TSGA10: variants seen among roughly 807,000 people sequenced by gnomAD.
The protein encoded by TSGA10 is testis specific 10, also known as testis-specific gene 10 protein.
A neutral mutation model predicts 96.6 loss-of-function variants in TSGA10; 43 were observed. The ratio of observed to expected loss-of-function variants is 0.44; its 90% confidence interval spans 0.35 to 0.57. TSGA10 has a LOEUF of 0.57. Ranked by LOEUF, TSGA10 falls within the 20% of genes least tolerant of loss-of-function variation. TSGA10 has a pLI of 0.01. For missense variants in TSGA10, 703 were observed against 834.4 expected (o/e 0.84, Z 1.94); for synonymous variants, 229 against 269.9 (o/e 0.85, Z 1.48).
intron 16 of TSGA10, among the ~76,000 whole-genome samples, chr2:99,057,155 C>G (rs2084101497): frequency 6.6e-6 from 1 of 152,104 alleles, no homozygotes; most frequent in African/African-American, 2.4e-5. Flanking sequence ...CCCCTAAAAT[C>G]AGGAACAAGA....
intron 1 of TSGA10, chr2:99,147,336 C>CTT: frequency 1.1e-6 from 1 of 903,306 alleles, no homozygotes; most frequent in Non-Finnish European, 1.8e-6. Context: ...AAGAAAGCCA[C>CTT]TTTGTTCTTT....
intron 17 of TSGA10, among the ~76,000 whole-genome samples, chr2:99,033,212 C>T (rs111739022): frequency 7.2e-5 from 11 of 152,286 alleles, no homozygotes; most frequent in Admixed American, 5.2e-4. Context: ...CTGAACTTAA[C>T]AACGTTTTGC....
At chr2:99,095,559 T>TA (rs2089944122) in intron 10 of TSGA10, among the ~76,000 whole-genome samples, 1 of 152,158 alleles carries the variant, frequency 6.6e-6, no homozygotes, top group African/African-American at 2.4e-5. Flanking sequence ...GTATATACTT[T>TA]AGTGAGATTT....
At chr2:99,102,795 T>C (rs2090923739) in intron 10 of TSGA10, 1 of 1,456,208 alleles carries the variant, frequency 6.9e-7, no homozygotes. Flanking sequence ...TGTATAGTAA[T>C]ATGATTCTCA....
chr2:98,998,782 G>A (rs1227348788), intron 20 of TSGA10, among the ~76,000 whole-genome samples: 2 of 152,186 alleles, frequency 1.3e-5, no homozygotes, highest in African/African-American at 4.8e-5. Context: ...CTGTGCTAAT[G>A]TCAATATCCC....
intron 10 of TSGA10, among the ~76,000 whole-genome samples, chr2:99,098,331 T>C (rs1574320351): frequency 1.4e-5 from 2 of 148,120 alleles, no homozygotes; most frequent in African/African-American, 5.0e-5. Flanking sequence ...CCCAGTTACT[T>C]GGGAGGCTGA....
intron 20 of TSGA10, among the ~76,000 whole-genome samples, chr2:99,015,906 A>C (rs1394968297): frequency 6.6e-6 from 1 of 152,086 alleles, no homozygotes; most frequent in African/African-American, 2.4e-5. Flanking sequence ...GCAGCAAAAA[A>C]CAAACAAACA....
At chr2:99,022,352 A>AC (rs2080123419) in intron 17 of TSGA10, among the ~76,000 whole-genome samples, 2 of 143,652 alleles carry the variant, frequency 1.4e-5, no homozygotes, top group South Asian at 2.2e-4. Flanking sequence ...AAAAAAAAAA[A>AC]CACCCAACAC....
intron 17 of TSGA10, among the ~76,000 whole-genome samples, chr2:99,029,769 A>T (rs2080969475): frequency 6.6e-6 from 1 of 152,210 alleles, no homozygotes; most frequent in African/African-American, 2.4e-5. Context: ...AACAACTGCA[A>T]AATACTACAG....
intron 15 of TSGA10, among the ~76,000 whole-genome samples, chr2:99,066,409 A>G (rs547403996): frequency 6.6e-6 from 1 of 152,278 alleles, no homozygotes; most frequent in Non-Finnish European, 1.5e-5. Context: ...TTGTATTCAC[A>G]TTGATCTTTA....
At chr2:99,033,775 G>A (rs2081353985) in intron 17 of TSGA10, among the ~76,000 whole-genome samples, 1 of 152,124 alleles carries the variant, frequency 6.6e-6, no homozygotes, top group African/African-American at 2.4e-5. Flanking sequence ...GGGAGGCGGA[G>A]GCTGCAGTGA....
At position 99,073,048 on chromosome 2, in the gene TSGA10, T is replaced by C. The variant is rs35465451; in HGVS notation, c.908A>G (p.Asn303Ser). 2.2e-4 allele frequency: 359 copies of C among 1,607,794 alleles called. No homozygotes were observed. Among genetic ancestry groups the C allele is most frequent in the Admixed American group, 7.0e-4 (42 of 59,884 alleles). Residue 303 changes from asparagine (N) to serine (S), a missense_variant, in exon 13 of 21, where the codon AAT (asparagine) becomes AGT (serine). Asn to Ser is a conservative substitution (Grantham distance 46). Coordinates refer to ENST00000393483, the MANE Select transcript of TSGA10 (RefSeq NM_025244.4). ...MKEKTISGMK[N>S]IIAEMEQASR... is the part of the protein sequence containing the mutation. ...TGCCTGTTCCATCTCAGCAATGATA[T>C]TCTTCATGCCTGAAATGGTCTTTTC...
At chr2:99,116,351 TACTC>T (rs1230627806) in intron 4 of TSGA10, among the ~76,000 whole-genome samples, 1 of 116,464 alleles carries the variant, frequency 8.6e-6, no homozygotes, top group Admixed American at 9.3e-5. Flanking sequence ...CATGGCAAAG[TACTC>T]AATCAAGAAA....
In TSGA10 at chr2:99,032,435, A is replaced by G. The variant is rs545007511; in HGVS notation, c.1614+2795T>C. Among the ~76,000 whole-genome samples the G allele has an allele frequency of 5.9e-5, 9 of 152,372 alleles. 1 individual carries two copies. Among genetic ancestry groups the G allele is most frequent in the Admixed American group, 5.2e-4 (8 of 15,308 alleles). ...GCAACAGGTAGATTCACATTCTCCA[A>G]GTCTACTTTGTATAATATGTAGTGA... On this transcript the variant is annotated intron_variant, in intron 17 of 20. Transcript: ENST00000393483.
intron 10 of TSGA10, chr2:99,102,176 T>C (rs575744233): frequency 6.4e-7 from 1 of 1,553,474 alleles, no homozygotes; most frequent in Non-Finnish European, 8.9e-7. Flanking sequence ...TTCGGAAATA[T>C]GAAGCTATTC....
At chr2:99,076,494 T>G (rs960719877) in intron 12 of TSGA10, among the ~76,000 whole-genome samples, 16 of 152,202 alleles carry the variant, frequency 1.1e-4, no homozygotes, top group Non-Finnish European at 2.1e-4. Context: ...TGTACTTTTA[T>G]GATTTTTTTG....
At chr2:99,045,378 A>C (rs1285661156) in intron 16 of TSGA10, among the ~76,000 whole-genome samples, 3 of 152,182 alleles carry the variant, frequency 2.0e-5, no homozygotes, top group Admixed American at 2.0e-4. Flanking sequence ...AGACTAACAG[A>C]GGATCTCTCG....
intron 1 of TSGA10, chr2:99,150,864 A>G (rs1305548089): frequency 6.8e-7 from 1 of 1,466,396 alleles, no homozygotes; most frequent in Non-Finnish European, 9.3e-7. Flanking sequence ...CAAAGAAACC[A>G]AAAACTGCCT....
At chr2:99,144,311 G>A (rs1040789319) in intron 1 of TSGA10, among the ~76,000 whole-genome samples, 1 of 151,916 alleles carries the variant, frequency 6.6e-6, no homozygotes, top group Non-Finnish European at 1.5e-5. Context: ...ATGAGCCACC[G>A]CGCCCGGCCT....
Sources: gnomAD v4.1 joint callset for allele counts (sites outside exome capture counted in the v4.1 genomes callset) on GRCh38, gnomAD v4.1.1 for gene constraint, MANE v1.5 for transcripts, NCBI Gene and HGNC (gene_info 2026-07-23, HGNC 2026-07-21) for gene names.